KRT75: variants seen among roughly 807,000 people sequenced by gnomAD.
The protein encoded by KRT75 is keratin, type II cytoskeletal 75.
A neutral mutation model predicts 48.8 loss-of-function variants in KRT75; 35 were observed. That is an observed-to-expected ratio of 0.72 (90% CI 0.55 to 0.95). The LOEUF is 0.95. KRT75 is among the 40% of genes least tolerant of loss of function. The probability of loss-of-function intolerance (pLI) is 0.00; values close to 1 mark genes in which losing one functional copy is unlikely to be tolerated. For missense variants in KRT75, 776 were observed against 709.9 expected (o/e 1.09, Z -1.06); for synonymous variants, 301 against 282.3 (o/e 1.07, Z -0.66).
At position 52,428,653 on chromosome 12, in the gene KRT75, T is replaced by A; in HGVS notation, c.1126A>T (p.Arg376Trp). ...EISEMNRMIQ[R>W]LRAEIDSVKK... ...ACGCTGTCAATCTCAGCTCTCAGCC[T>A]CTGGATCATGCGGTTCATTTCAGAG... The change falls in exon 6 of 9, where the codon AGG (arginine) becomes TGG (tryptophan). Residue 376 changes from arginine to tryptophan, a missense_variant. Coordinates refer to ENST00000252245, the MANE Select transcript of KRT75 (RefSeq NM_004693.3). The A allele has an allele frequency of 1.2e-6, 2 of 1,614,242 alleles. No homozygotes were observed. The highest frequency in any genetic ancestry group is 1.7e-6 in the Non-Finnish European group (2 of 1,180,046).
intron 7 of KRT75, 119 bp downstream of exon 7, chr12:52,428,137 T>C (rs1478102927): frequency 7.6e-6 from 10 of 1,323,724 alleles, no homozygotes; most frequent in Non-Finnish European, 9.7e-6. Flanking sequence ...AGCCCAATTC[T>C]GAACTGCATT....
intron 4 of KRT75, among the ~76,000 whole-genome samples, chr12:52,431,006 C>T (rs937970245): frequency 2.0e-5 from 3 of 152,176 alleles, no homozygotes; most frequent in Non-Finnish European, 4.4e-5. Context: ...CCAACATAAA[C>T]GGCTTCTTTA....
rs1163110042 is a variant in KRT75, at chr12:52,433,096, C to A, written c.655G>T (p.Gly219Cys). The A allele has an allele frequency of 1.2e-6, 2 of 1,613,914 alleles. No homozygotes were observed. Among genetic ancestry groups the A allele is most frequent in the African/African-American group, 1.3e-5 (1 of 74,864 alleles). Reference sequence around the variant, plus strand: ...TTCCTCAGTTCAGCTTCAAGCCTGCCCCTCTCGGTGGTGATGCTTTCCAGC... The same window carrying A: ...TTCCTCAGTTCAGCTTCAAGCCTGCACCTCTCGGTGGTGATGCTTTCCAGC... ...RQLESITTER[G>C]RLEAELRNMQ... Residue 219 changes from glycine (G) to cysteine (C), a missense_variant, in exon 2 of 9, where the codon GGC becomes TGC. By Grantham distance (159) the Gly-to-Cys change is radical. Transcript: ENST00000252245.
At chr12:52,429,919 G>A (rs1476727364) in intron 5 of KRT75, among the ~76,000 whole-genome samples, 1 of 152,172 alleles carries the variant, frequency 6.6e-6, no homozygotes, top group East Asian at 1.9e-4. Flanking sequence ...GGCAGTAGCT[G>A]TTTGTGTTTA....
chr12:52,433,794 A>C lies in KRT75; in HGVS notation c.498+13T>G, dbSNP rs1940179441. 1.2e-6 allele frequency: 2 copies of C among 1,613,958 alleles called. No individual in the cohort carries two copies. The highest frequency in any genetic ancestry group is 1.7e-6 in the Non-Finnish European group (2 of 1,179,988). On this transcript the variant is annotated intron_variant, in intron 1 of 8. Transcript: ENST00000252245. ...ATCCCAAACCCAAGGGGGTGGATGAAGCCCCTGCTTACCTTGTCGATGAAG... is the reference window on the plus strand; with the variant it reads ...ATCCCAAACCCAAGGGGGTGGATGACGCCCCTGCTTACCTTGTCGATGAAG...
chr12:52,431,917 T>C (rs972444889), intron 3 of KRT75, 89 bp downstream of exon 3: 1 of 1,248,738 alleles, frequency 8.0e-7, no homozygotes, highest in African/African-American at 1.5e-5. Flanking sequence ...GTGACATTTC[T>C]TGGGTGGCCC....
At chr12:52,427,182 A>G (rs1236248129) in intron 7 of KRT75, among the ~76,000 whole-genome samples, 3 of 152,242 alleles carry the variant, frequency 2.0e-5, no homozygotes, top group Non-Finnish European at 4.4e-5. Flanking sequence ...GGCCTGTCCT[A>G]TAATAAGATT....
chr12:52,426,549 T>A (rs1042926789), intron 8 of KRT75, among the ~76,000 whole-genome samples: 2 of 152,240 alleles, frequency 1.3e-5, no homozygotes, highest in Non-Finnish European at 2.9e-5. Flanking sequence ...GGCCAGGATC[T>A]TTTAAACCCA....
In KRT75 at chr12:52,433,815, T is replaced by TG; in HGVS notation, c.489dup (p.Ile164HisfsTer38). 6.2e-7 allele frequency: 1 copy of TG among 1,614,098 alleles called. No individual in the cohort carries two copies. The highest frequency in any genetic ancestry group is 8.5e-7 in the Non-Finnish European group (1 of 1,179,990). On this transcript the variant is annotated frameshift_variant, in exon 1 of 9. Coordinates refer to ENST00000252245, the MANE Select transcript of KRT75 (RefSeq NM_004693.3). LOFTEE classifies it high-confidence loss of function. ...ATGAAGCCCCTGCTTACCTTGTCGATGAAGGAGGCGAACTTATTGTTGAGG... is the reference window on the plus strand; with the variant it reads ...ATGAAGCCCCTGCTTACCTTGTCGATGGAAGGAGGCGAACTTATTGTTGAGG...
Position 52,424,124 on chromosome 12 carries a change from T to C in KRT75, c.*393A>G. On this transcript the variant is annotated 3_prime_UTR_variant, in exon 9 of 9. Coordinates refer to ENST00000252245, the MANE Select transcript of KRT75 (RefSeq NM_004693.3). The stretch of plus-strand genomic sequence containing the variant: ...TCCAGGGAGGGAACAGAGGGAGCAC[T>C]CACTCCCAGCAGGCCACTTATAAAC... 6.2e-6 allele frequency: 2 copies of C among 321,664 alleles called. No individual in the cohort carries two copies. Among genetic ancestry groups the C allele is most frequent in the Non-Finnish European group, 1.2e-5 (2 of 165,594 alleles). 19.9% of individuals were successfully genotyped at this position (321,664 alleles called of 1,614,324 possible).
At chr12:52,428,131 C>A (rs1190854775) in intron 7 of KRT75, 125 bp downstream of exon 7, 1 of 1,238,100 alleles carries the variant, frequency 8.1e-7, no homozygotes, top group Non-Finnish European at 1.2e-6. Flanking sequence ...TGCCATAGCC[C>A]AATTCTGAAC....
In KRT75 at chr12:52,434,280, A is replaced by G. The variant is rs1940190147; in HGVS notation, c.25T>C (p.Phe9Leu). Residue 9 changes from phenylalanine to leucine, a missense_variant, in exon 1 of 9, where the codon TTC becomes CTC. By Grantham distance (22) the Phe-to-Leu change is conservative. Transcript: ENST00000252245. Reference protein sequence around the residue: MSRQSSITFQSGSRRGFST... With the variant: MSRQSSITLQSGSRRGFST... ...AAGCCCCTGCGGCTGCCAGACTGGAAGGTGATGGAGGACTGCCGAGACATG... is the reference window on the plus strand; with the variant it reads ...AAGCCCCTGCGGCTGCCAGACTGGAGGGTGATGGAGGACTGCCGAGACATG... The G allele has an allele frequency of 3.8e-6, 6 of 1,587,700 alleles. 1 individual carries two copies. In the East Asian group the frequency reaches 1.1e-4, roughly 30 times the overall value.
At chr12:52,429,385 A>G (rs1940115119) in intron 5 of KRT75, among the ~76,000 whole-genome samples, 2 of 152,154 alleles carry the variant, frequency 1.3e-5, no homozygotes, top group African/African-American at 2.4e-5. Context: ...AGTATTCCCA[A>G]TCTCAGGTAG....
At chr12:52,432,974 C>T (rs1000814547) in intron 2 of KRT75, 64 bp downstream of exon 2, 5 of 1,525,042 alleles carry the variant, frequency 3.3e-6, no homozygotes, top group Non-Finnish European at 4.5e-6. Flanking sequence ...TTGCACCTCT[C>T]TGGTCCTCAC....
intron 5 of KRT75, 75 bp downstream of exon 5, chr12:52,430,466 G>C: frequency 2.1e-6 from 3 of 1,456,990 alleles, no homozygotes; most frequent in Non-Finnish European, 2.9e-6. Flanking sequence ...CGTTTCCTGA[G>C]GCTGAGTTAA....
In KRT75 at chr12:52,434,104, A is replaced by AC. The variant is rs753856803; in HGVS notation, c.200dup (p.Ala68CysfsTer92). 19 of 1,613,660 alleles carry AC rather than the reference A, an allele frequency of 1.2e-5. No homozygotes were observed. The highest frequency in any genetic ancestry group is 1.6e-5 in the Non-Finnish European group (19 of 1,179,938). On this transcript the variant is annotated frameshift_variant, in exon 1 of 9. Transcript: ENST00000252245. LOFTEE classifies it high-confidence loss of function. ...ACCCATTGATGGAGACCCGCTTGGCACCCCCCAGGTTGTAGAGGCTGCGGC... is the reference window on the plus strand; with the variant it reads ...ACCCATTGATGGAGACCCGCTTGGCACCCCCCCAGGTTGTAGAGGCTGCGGC...
chr12:52,432,027 A>G lies in KRT75; in HGVS notation c.753T>C (p.Asn251=). 1 of 1,614,194 alleles carries G rather than the reference A, an allele frequency of 6.2e-7. No individual in the cohort carries two copies. Among genetic ancestry groups the G allele is most frequent in the Non-Finnish European group, 8.5e-7 (1 of 1,180,028 alleles). ...DEINKRTAAE[N]EFVALKKDVD... ...TCACCTTTTTCAGGGCTACAAATTC[A>G]TTCTCAGCAGCTGTGCGCTTGTTAA... The change falls in exon 3 of 9, where the codon AAT becomes AAC. Residue 251 remains asparagine (N), a synonymous_variant. Transcript: ENST00000252245.
Position 52,426,826 on chromosome 12 carries a change from C to T in KRT75, c.1408G>A (p.Val470Ile). 1 of 1,614,150 alleles carries T rather than the reference C, an allele frequency of 6.2e-7. No individual in the cohort carries two copies. The highest frequency in any genetic ancestry group is 8.5e-7 in the Non-Finnish European group (1 of 1,179,996). Residue 470 changes from valine to isoleucine, a missense_variant, in exon 8 of 9, where the codon GTT becomes ATT. By Grantham distance (29) the Val-to-Ile change is conservative (BLOSUM62 3). Transcript: ENST00000252245. ...AGTATGTCATACTCACAAATGTTAA[C>T]TGGAGAAACTCCCTCTCCACTCAAC... ...CRLSGEGVSP[V>I]NISVVTSTLS...
intron 8 of KRT75, among the ~76,000 whole-genome samples, chr12:52,425,381 A>G (rs76342953): frequency 1.9e-3 from 291 of 152,394 alleles, no homozygotes; most frequent in African/African-American, 6.8e-3. Flanking sequence ...TGTGTCCTTC[A>G]AAAACCTATG....
Sources: allele counts gnomAD v4.1 joint callset (sites outside exome capture counted in the v4.1 genomes callset), GRCh38; gene constraint gnomAD v4.1.1; transcripts MANE v1.5; gene names NCBI Gene and HGNC (gene_info 2026-07-23, HGNC 2026-07-21).